The following CDC42BPA variants were observed in gnomAD, a reference collection of about 807,000 sequenced individuals.
CDC42BPA encodes the protein CDC42 binding protein kinase alpha, also known as serine/threonine-protein kinase MRCK alpha.
Under a neutral mutation model 223.5 loss-of-function variants are expected in CDC42BPA, and 80 were observed. The ratio of observed to expected loss-of-function variants is 0.36; its 90% confidence interval spans 0.30 to 0.43. The LOEUF (loss-of-function observed/expected upper bound fraction) is 0.43, where lower values mean the gene tolerates loss of function less well. CDC42BPA is among the 20% of genes least tolerant of loss of function. The probability of loss-of-function intolerance (pLI) is 1.00; values close to 1 mark genes in which losing one functional copy is unlikely to be tolerated. For synonymous variants in CDC42BPA, 694 were observed against 718.6 expected (o/e 0.97, Z 0.55); for missense variants, 1,743 against 2,099.9 (o/e 0.83, Z 3.32).
At chr1:227,162,909 T>TATATTTGTGTGTTTCCAAAC (rs1664215689) in intron 5 of CDC42BPA, among the ~76,000 whole-genome samples, 1 of 137,968 alleles carries the variant, frequency 7.2e-6, no homozygotes, top group Non-Finnish European at 1.6e-5. Flanking sequence ...TATGTGTGTG[T>TATATTTGTGTGTTTCCAAAC]ATATGTGTGT....
At chr1:227,062,550 C>T (rs930162393) in intron 21 of CDC42BPA, among the ~76,000 whole-genome samples, 8 of 152,190 alleles carry the variant, frequency 5.3e-5, no homozygotes, top group South Asian at 2.1e-4. Context: ...GGAAATATTA[C>T]GCTTAAGGGC....
At chr1:227,204,997 G>A (rs955296273) in intron 3 of CDC42BPA, among the ~76,000 whole-genome samples, 21 of 151,936 alleles carry the variant, frequency 1.4e-4, no homozygotes, top group Middle Eastern at 3.4e-3. Context: ...AGTGGCTCGC[G>A]CCTGTAATCC....
intron 8 of CDC42BPA, among the ~76,000 whole-genome samples, chr1:227,144,571 T>C (rs1223299880): frequency 2.9e-4 from 6 of 20,980 alleles, no homozygotes; most frequent in African/African-American, 9.8e-4. Flanking sequence ...CGAGACTCTG[T>C]CTCAAAAAAA....
chr1:227,011,431 C>T (rs1665180440), intron 34 of CDC42BPA, among the ~76,000 whole-genome samples: 1 of 152,028 alleles, frequency 6.6e-6, no homozygotes, highest in Admixed American at 6.5e-5. Context: ...AAGAAACAAG[C>T]AAGAACATGA....
chr1:227,066,098 A>T (rs1295393635), intron 21 of CDC42BPA, among the ~76,000 whole-genome samples: 1 of 152,148 alleles, frequency 6.6e-6, no homozygotes, highest in Non-Finnish European at 1.5e-5. Flanking sequence ...GCTCCTTAAG[A>T]ATCCAAGTGC....
chr1:227,006,179 G>A (rs1664004902), intron 34 of CDC42BPA, among the ~76,000 whole-genome samples: 1 of 152,194 alleles, frequency 6.6e-6, no homozygotes, highest in African/African-American at 2.4e-5. Flanking sequence ...GTCTGGATTT[G>A]ATTTCTTACA....
At chr1:227,302,729 T>C (rs7543804) in intron 1 of CDC42BPA, among the ~76,000 whole-genome samples, 41 of 152,290 alleles carry the variant, frequency 2.7e-4, no homozygotes, top group African/African-American at 9.4e-4. Context: ...AGTGCTCTTT[T>C]AGAATTCCTA....
intron 34 of CDC42BPA, among the ~76,000 whole-genome samples, chr1:227,015,692 A>T (rs1240708597): frequency 6.6e-6 from 1 of 151,988 alleles, no homozygotes; most frequent in African/African-American, 2.4e-5. Flanking sequence ...GAAGAAGGAA[A>T]AAAAAAGAGT....
chr1:227,199,647 T>C lies in CDC42BPA; in HGVS notation c.360A>G (p.Ala120=), dbSNP rs574348871. 31 of 1,599,264 alleles carry C rather than the reference T, an allele frequency of 1.9e-5. No individual in the cohort carries two copies. Among genetic ancestry groups the C allele is most frequent in the Admixed American group, 1.8e-4 (11 of 59,610 alleles). The part of the protein sequence containing the change: ...KWEMLKRAET[A]CFREERDVLV... ...ATACATCCCTTTCTTCACGAAAACA[T>C]GCTGTCTGAAACACAAAAAGAAAAT... Residue 120 remains alanine, a synonymous_variant, in exon 4 of 37, where the codon GCA becomes GCG. Transcript: ENST00000366766.
intron 21 of CDC42BPA, among the ~76,000 whole-genome samples, chr1:227,053,826 T>C (rs1216766069): frequency 6.6e-6 from 1 of 152,186 alleles, no homozygotes; most frequent in Admixed American, 6.5e-5. Context: ...GTAATCAGTT[T>C]AGATTATAAA....
intron 16 of CDC42BPA, among the ~76,000 whole-genome samples, chr1:227,087,805 A>G (rs13376552): frequency 0.17 from 25,797 of 152,144 alleles, 2,338 homozygotes; most frequent in Non-Finnish European, 0.19. Flanking sequence ...TTTTTAGAAG[A>G]TTAATCAATT....
At chr1:227,039,378 T>G (rs1251554428) in intron 24 of CDC42BPA, among the ~76,000 whole-genome samples, 1 of 152,200 alleles carries the variant, frequency 6.6e-6, no homozygotes, top group Non-Finnish European at 1.5e-5. Context: ...CACAAGCTTT[T>G]TGAAGTCCCC....
chr1:227,078,121 T>TC (rs1679888796), intron 17 of CDC42BPA, among the ~76,000 whole-genome samples: 1 of 152,162 alleles, frequency 6.6e-6, no homozygotes. Flanking sequence ...TTCCTACTAT[T>TC]CTTTTACAAA....
At chr1:227,028,205 A>C (rs912282798) in intron 30 of CDC42BPA, among the ~76,000 whole-genome samples, 2 of 152,154 alleles carry the variant, frequency 1.3e-5, no homozygotes, top group African/African-American at 4.8e-5. Flanking sequence ...ATATCTACCC[A>C]TCTAGATAAA....
intron 34 of CDC42BPA, 114 bp from the exon 35 acceptor site, chr1:227,005,225 A>T (rs1663762075): frequency 2.7e-6 from 2 of 744,620 alleles, no homozygotes; most frequent in Non-Finnish European, 2.3e-6. Context: ...GACCAGAATG[A>T]CACAGAGTAA....
At chr1:227,302,264 T>C (rs1691767404) in intron 1 of CDC42BPA, among the ~76,000 whole-genome samples, 1 of 152,200 alleles carries the variant, frequency 6.6e-6, no homozygotes, top group Admixed American at 6.5e-5. Context: ...ACTGTGCTGG[T>C]TTTAGTAGAA....
chr1:227,301,373 T>C (rs1303020584), intron 1 of CDC42BPA, among the ~76,000 whole-genome samples: 1 of 152,024 alleles, frequency 6.6e-6, no homozygotes, highest in Non-Finnish European at 1.5e-5. Context: ...TTTTTTTTTT[T>C]TTTTTGAGAC....
At chr1:227,251,411 C>A (rs1681983488) in intron 2 of CDC42BPA, among the ~76,000 whole-genome samples, 1 of 151,808 alleles carries the variant, frequency 6.6e-6, no homozygotes, top group East Asian at 1.9e-4. Context: ...ACAAAATGAG[C>A]AAAACAAATA....
At chr1:227,072,097 T>A (rs1227254979) in intron 20 of CDC42BPA, 111 bp downstream of exon 20, 1 of 609,816 alleles carries the variant, frequency 1.6e-6, no homozygotes. Context: ...AGTGCCAGAA[T>A]TGCTTATGTC....
Sources: gnomAD v4.1 joint callset for allele counts (sites outside exome capture counted in the v4.1 genomes callset) on GRCh38, gnomAD v4.1.1 for gene constraint, MANE v1.5 for transcripts, NCBI Gene and HGNC (gene_info 2026-07-23, HGNC 2026-07-21) for gene names.